SHC4: variants seen among roughly 807,000 people sequenced by gnomAD.
The protein encoded by SHC4 is SHC adaptor protein 4.
Under a neutral mutation model 69.4 loss-of-function variants are expected in SHC4, and 41 were observed. That is an observed-to-expected ratio of 0.59 (90% CI 0.46 to 0.77). The LOEUF (loss-of-function observed/expected upper bound fraction) is 0.77. Among genes scored for constraint, SHC4 ranks in the 30% least tolerant of loss-of-function variants. The probability of loss-of-function intolerance (pLI) is 0.00; values close to 1 mark genes in which losing one functional copy is unlikely to be tolerated. For missense variants in SHC4, 777 were observed against 783.8 expected, an observed-to-expected ratio of 0.99 and a Z score of 0.10; for synonymous variants, 318 against 299.3, an observed-to-expected ratio of 1.06 and a Z score of -0.64.
chr15:48,919,631 C>T (rs1234600729), intron 2 of SHC4, among the ~76,000 whole-genome samples: 4 of 151,886 alleles, frequency 2.6e-5, no homozygotes, highest in African/African-American at 9.7e-5. Context: ...ATGTTGCCAC[C>T]ATGGACCCAT....
At chr15:48,830,060 A>T (rs1056159775) in intron 11 of SHC4, among the ~76,000 whole-genome samples, 16 of 152,192 alleles carry the variant, frequency 1.1e-4, no homozygotes, top group African/African-American at 3.4e-4. Context: ...TTAATACTAG[A>T]GAAGAACTAT....
chr15:48,960,562 G>A (rs1008520232), intron 1 of SHC4, among the ~76,000 whole-genome samples: 1 of 152,130 alleles, frequency 6.6e-6, no homozygotes. Flanking sequence ...TGCCAGGACT[G>A]CCCAAGCCTG....
At chr15:48,943,873 A>G (rs993812702) in intron 1 of SHC4, among the ~76,000 whole-genome samples, 1 of 152,048 alleles carries the variant, frequency 6.6e-6, no homozygotes, top group Non-Finnish European at 1.5e-5. Context: ...GTCCTACCCA[A>G]TAACATCCTC....
At chr15:48,867,705 A>G (rs993208949) in intron 6 of SHC4, 113 bp downstream of exon 6, 7 of 816,716 alleles carry the variant, frequency 8.6e-6, no homozygotes, top group Non-Finnish European at 1.1e-5. Flanking sequence ...TCTAGAATCC[A>G]GTATAGCACC....
chr15:48,865,341 G>A (rs769808839), intron 6 of SHC4, among the ~76,000 whole-genome samples: 4 of 152,154 alleles, frequency 2.6e-5, no homozygotes, highest in Admixed American at 6.5e-5. Flanking sequence ...GATTTTTATA[G>A]CCAAGCTATA....
At position 48,962,455 on chromosome 15, in the gene SHC4, C is replaced by T; in HGVS notation, c.561G>A (p.Gly187=). ...CCCTCACACAGTAGTTCATGCCCAT[C>T]CCCAACAGGTGCTGTAGAAAGTGCC... ...QDRHFLQHLL[G]MGMNYCVRYM... Residue 187 remains glycine (G), a synonymous_variant, in exon 1 of 12, where the codon GGG becomes GGA. Coordinates refer to ENST00000332408, the MANE Select transcript of SHC4 (RefSeq NM_203349.4). 2.0e-6 allele frequency: 3 copies of T among 1,523,312 alleles called. No homozygotes were observed. Among genetic ancestry groups the T allele is most frequent in the Non-Finnish European group, 1.8e-6 (2 of 1,137,156 alleles). 94.4% of individuals were successfully genotyped at this position (1,523,312 alleles called of 1,614,324 possible).
chr15:48,958,054 C>A (rs1901483159), intron 1 of SHC4, among the ~76,000 whole-genome samples: 1 of 152,218 alleles, frequency 6.6e-6, no homozygotes, highest in South Asian at 2.1e-4. Context: ...AGACGTCCAG[C>A]CTCAAGAACT....
intron 1 of SHC4, among the ~76,000 whole-genome samples, chr15:48,928,175 G>A (rs1173625635): frequency 7.9e-6 from 1 of 127,002 alleles, no homozygotes; most frequent in Non-Finnish European, 1.7e-5. Flanking sequence ...CCAGAACAAC[G>A]TCTTTGCAAG....
intron 2 of SHC4, among the ~76,000 whole-genome samples, chr15:48,912,223 T>G (rs1403512157): frequency 6.6e-6 from 1 of 152,152 alleles, no homozygotes; most frequent in Non-Finnish European, 1.5e-5. Flanking sequence ...ACACCAATTA[T>G]TCTTAGGTTT....
rs533165045 is a variant in SHC4 at position 48,957,017 on chromosome 15, G to A, written c.585+5414C>T. 2.0e-4 allele frequency among the ~76,000 whole-genome samples: 25 copies of A among 124,954 alleles called. No homozygotes were observed. In the South Asian group the frequency reaches 2.5e-3, roughly 12 times the overall value. The allele number at this position is 124,954 out of a possible 152,430, so 82.0% of individuals were successfully genotyped here. Reference sequence around the variant, plus strand: ...TTTTGAGACAGAGTCTTGCTCTGTCGCCCAGGCTGCAGTGTAGTGGCATGA... The same window carrying A: ...TTTTGAGACAGAGTCTTGCTCTGTCACCCAGGCTGCAGTGTAGTGGCATGA... On this transcript the variant is annotated intron_variant, in intron 1 of 11. Transcript: ENST00000332408.
At chr15:48,892,098 G>A (rs1471885225) in intron 2 of SHC4, among the ~76,000 whole-genome samples, 1 of 151,962 alleles carries the variant, frequency 6.6e-6, no homozygotes, top group African/African-American at 2.4e-5. Flanking sequence ...CTCGTTATCC[G>A]CCCGCCTCGG....
In SHC4 at chr15:48,825,147, GTTTT is replaced by G. The variant is rs968748919; in HGVS notation, c.*820_*823del. On this transcript the variant is annotated 3_prime_UTR_variant, in exon 12 of 12. Coordinates refer to ENST00000332408, the MANE Select transcript of SHC4 (RefSeq NM_203349.4). Reference sequence around the variant, plus strand: ...TCTTTTAAATCCATGCACTCATGAGGTTTTTTTTGTTTTTTTTGTTTTTTGTTTT... The same window carrying G: ...TCTTTTAAATCCATGCACTCATGAGGTTTTGTTTTTTTTGTTTTTTGTTTT... 2.7e-5 allele frequency: 4 copies of G among 150,292 alleles called. No homozygotes were observed. The highest frequency in any genetic ancestry group is 7.4e-5 in the African/African-American group (3 of 40,612). 9.3% of individuals were successfully genotyped at this position (150,292 alleles called of 1,614,324 possible).
intron 1 of SHC4, among the ~76,000 whole-genome samples, chr15:48,930,951 G>C (rs1900953399): frequency 6.6e-6 from 1 of 152,158 alleles, no homozygotes; most frequent in Non-Finnish European, 1.5e-5. Context: ...TAGTGAAACT[G>C]CCTGAGCAAA....
At chr15:48,918,171 T>G (rs1479979652) in intron 2 of SHC4, among the ~76,000 whole-genome samples, 1 of 152,094 alleles carries the variant, frequency 6.6e-6, no homozygotes, top group Non-Finnish European at 1.5e-5. Context: ...CCCATGGAAA[T>G]TTTTTTTGAA....
intron 2 of SHC4, 143 bp from the exon 3 acceptor site, chr15:48,890,954 A>G: frequency 1.2e-6 from 1 of 866,508 alleles, no homozygotes; most frequent in East Asian, 2.7e-5. Context: ...TCCCAGCCCC[A>G]CAGGAGGAAA....
chr15:48,904,483 T>G (rs561135560), intron 2 of SHC4, among the ~76,000 whole-genome samples: 1 of 152,372 alleles, frequency 6.6e-6, no homozygotes, highest in Admixed American at 6.5e-5. Context: ...CAGTTCCACA[T>G]GATTGAGAAA....
chr15:48,832,603 T>C (rs1473222574), intron 11 of SHC4, among the ~76,000 whole-genome samples: 1 of 152,208 alleles, frequency 6.6e-6, no homozygotes, highest in African/African-American at 2.4e-5. Context: ...CATTATTTCT[T>C]TAAATAAGCT....
intron 1 of SHC4, chr15:48,945,837 A>G (rs1901267376): frequency 6.6e-6 from 1 of 152,230 alleles, no homozygotes; most frequent in South Asian, 2.1e-4. Context: ...TGAATTGTAC[A>G]CTTAAAGTGA....
Position 48,919,295 on chromosome 15 carries a change from A to ATTTTTTT in SHC4, c.656+5577_656+5583dup, listed in dbSNP as rs386382928. Among the ~76,000 whole-genome samples the ATTTTTTT allele has an allele frequency of 2.8e-3, 198 of 71,232 alleles. 38 individuals are homozygous for ATTTTTTT. Among genetic ancestry groups the ATTTTTTT allele is most frequent in the East Asian group, 4.4e-3 (13 of 2,964 alleles). The allele number at this position is 71,232 out of a possible 152,430, so 46.7% of individuals were successfully genotyped here. A position where few individuals can be genotyped will look rare whatever the true frequency, so the allele number is the denominator to read the frequency against. On this transcript the variant is annotated intron_variant, in intron 2 of 11. Transcript: ENST00000332408. ...CTCACACTCTTAAAAATTTATTTTA[A>ATTTTTTT]TTTTTTTTTTTTTTTTTTTTGTAGA...
Sources: allele counts gnomAD v4.1 joint callset (sites outside exome capture counted in the v4.1 genomes callset), GRCh38; gene constraint gnomAD v4.1.1; transcripts MANE v1.5; gene names NCBI Gene and HGNC (gene_info 2026-07-23, HGNC 2026-07-21).